The following EPHA6 variants were observed in gnomAD, a reference collection of about 807,000 sequenced individuals.
EPHA6 encodes EPH receptor A6.
A neutral mutation model predicts 112.0 loss-of-function variants in EPHA6; 50 were observed. The ratio of observed to expected loss-of-function variants is 0.45; its 90% confidence interval spans 0.36 to 0.56. The LOEUF is 0.56. Ranked by LOEUF, EPHA6 falls within the 20% of genes least tolerant of loss-of-function variation. The pLI is 0.00. For missense variants in EPHA6, 1,280 were observed against 1,417.4 expected, an observed-to-expected ratio of 0.90 and a Z score of 1.56; for synonymous variants, 529 against 490.7, an observed-to-expected ratio of 1.08 and a Z score of -1.03.
At chr3:97,715,919 T>C (rs2034196605) in intron 14 of EPHA6, among the ~76,000 whole-genome samples, 1 of 152,222 alleles carries the variant, frequency 6.6e-6, no homozygotes, top group Non-Finnish European at 1.5e-5. Flanking sequence ...AGTTTACTTA[T>C]TTCCTGTTTT....
At chr3:96,927,385 A>G (rs760288745) in intron 2 of EPHA6, among the ~76,000 whole-genome samples, 2 of 152,194 alleles carry the variant, frequency 1.3e-5, no homozygotes, top group Non-Finnish European at 2.9e-5. Context: ...ATTAACATTC[A>G]GCTCCTTGTT....
intron 3 of EPHA6, among the ~76,000 whole-genome samples, chr3:97,170,276 CTTTA>C (rs972927187): frequency 6.6e-6 from 1 of 152,058 alleles, no homozygotes; most frequent in Non-Finnish European, 1.5e-5. Context: ...ATTAGTGCAA[CTTTA>C]TTTGTACACA....
chr3:97,043,085 A>G (rs1362893195), intron 3 of EPHA6, among the ~76,000 whole-genome samples: 2 of 152,132 alleles, frequency 1.3e-5, no homozygotes, highest in East Asian at 3.9e-4. Flanking sequence ...TAATCCTATC[A>G]TTCCTTTTTT....
intron 7 of EPHA6, among the ~76,000 whole-genome samples, chr3:97,460,159 G>A (rs1340403021): frequency 6.6e-6 from 1 of 152,236 alleles, no homozygotes; most frequent in African/African-American, 2.4e-5. Flanking sequence ...ATTGGTGAAA[G>A]AAGAAATGCT....
chr3:97,245,523 A>G (rs944617380), intron 5 of EPHA6, among the ~76,000 whole-genome samples: 1 of 152,036 alleles, frequency 6.6e-6, no homozygotes, highest in African/African-American at 2.4e-5. Flanking sequence ...ATGGCAGCAT[A>G]TTTAAAATAA....
chr3:97,193,804 A>G (rs1283544603), intron 3 of EPHA6, among the ~76,000 whole-genome samples: 1 of 151,988 alleles, frequency 6.6e-6, no homozygotes, highest in African/African-American at 2.4e-5. Context: ...TATTATATTT[A>G]GGTATGTTTC....
At chr3:97,706,067 C>A (rs565786381) in intron 14 of EPHA6, among the ~76,000 whole-genome samples, 65 of 152,188 alleles carry the variant, frequency 4.3e-4, no homozygotes, top group Non-Finnish European at 8.1e-4. Flanking sequence ...CTGGAAAAAT[C>A]TGCTATAAAA....
intron 5 of EPHA6, among the ~76,000 whole-genome samples, chr3:97,387,046 G>C (rs1355646038): frequency 6.6e-6 from 1 of 152,220 alleles, no homozygotes; most frequent in African/African-American, 2.4e-5. Context: ...GCACAGAGCA[G>C]AGGGGCCCTC....
intron 14 of EPHA6, among the ~76,000 whole-genome samples, chr3:97,706,193 A>G (rs1460192091): frequency 1.3e-5 from 2 of 152,188 alleles, no homozygotes; most frequent in Non-Finnish European, 2.9e-5. Flanking sequence ...TATTCTTTTT[A>G]TGAGACATTT....
chr3:97,206,716 T>C (rs1016969408), intron 3 of EPHA6, among the ~76,000 whole-genome samples: 1 of 152,242 alleles, frequency 6.6e-6, no homozygotes, highest in Non-Finnish European at 1.5e-5. Flanking sequence ...TTGAGGTTTA[T>C]ACTCATTATC....
At chr3:96,897,589 C>T (rs1385380219) in intron 2 of EPHA6, among the ~76,000 whole-genome samples, 2 of 152,134 alleles carry the variant, frequency 1.3e-5, no homozygotes, top group African/African-American at 4.8e-5. Flanking sequence ...GCAGCCTCTT[C>T]CTTCTGTATA....
intron 7 of EPHA6, among the ~76,000 whole-genome samples, chr3:97,464,554 G>C (rs560930375): frequency 1.5e-4 from 23 of 152,170 alleles, no homozygotes; most frequent in African/African-American, 4.3e-4. Context: ...TGCAGGCAAA[G>C]CAAAGATTGT....
chr3:96,819,799 T>C (rs959598934), intron 1 of EPHA6, among the ~76,000 whole-genome samples: 3 of 152,174 alleles, frequency 2.0e-5, no homozygotes, highest in African/African-American at 7.2e-5. Context: ...TTATTGAGTA[T>C]TGTGTTTTGT....
At chr3:97,101,665 G>T (rs1331144192) in intron 3 of EPHA6, among the ~76,000 whole-genome samples, 1 of 152,032 alleles carries the variant, frequency 6.6e-6, no homozygotes, top group South Asian at 2.1e-4. Context: ...TTACTTTTAG[G>T]TTTCTGTTTA....
At chr3:97,279,923 T>C (rs1040446984) in intron 5 of EPHA6, among the ~76,000 whole-genome samples, 21 of 152,344 alleles carry the variant, frequency 1.4e-4, no homozygotes, top group African/African-American at 2.4e-4. Flanking sequence ...CTTGCTCTTG[T>C]TGCCCAGGCT....
chr3:97,737,488 C>T (rs190731351), intron 16 of EPHA6, among the ~76,000 whole-genome samples: 1 of 151,524 alleles, frequency 6.6e-6, no homozygotes, highest in Non-Finnish European at 1.5e-5. Flanking sequence ...TTAGGAAAAC[C>T]AATGCATCTT....
chr3:97,549,840 A>T (rs1005669865), intron 11 of EPHA6, among the ~76,000 whole-genome samples: 1 of 151,432 alleles, frequency 6.6e-6, no homozygotes, highest in African/African-American at 2.4e-5. Flanking sequence ...AAAATAAAAT[A>T]AATAAAATAA....
chr3:96,983,900 C>T (rs1226240821), intron 2 of EPHA6, among the ~76,000 whole-genome samples: 1 of 152,188 alleles, frequency 6.6e-6, no homozygotes, highest in Non-Finnish European at 1.5e-5. Context: ...GTTTTCCACT[C>T]CATCAGGTCA....
chr3:97,239,038 A>G (rs1559819688), intron 4 of EPHA6, among the ~76,000 whole-genome samples: 1 of 152,112 alleles, frequency 6.6e-6, no homozygotes, highest in South Asian at 2.1e-4. Flanking sequence ...TTAATGCATA[A>G]CAAGTTTTGT....
Sources: allele counts gnomAD v4.1 joint callset (sites outside exome capture counted in the v4.1 genomes callset), GRCh38; gene constraint gnomAD v4.1.1; transcripts MANE v1.5; gene names NCBI Gene and HGNC (gene_info 2026-07-23, HGNC 2026-07-21).